Variants in CCNL2 observed in about 807,000 individuals in gnomAD.
The protein encoded by CCNL2 is cyclin-L2.
CCNL2 carries 28 observed loss-of-function variants against 59.1 expected under a neutral mutation model. The observed-to-expected ratio is 0.47, with a 90% CI of 0.35 to 0.65. The LOEUF is 0.65. Among genes scored for constraint, CCNL2 ranks in the 30% least tolerant of loss-of-function variants. CCNL2 has a pLI of 0.00. For missense variants in CCNL2, 714 were observed against 717.4 expected, an observed-to-expected ratio of 1.00 and a Z score of 0.05; for synonymous variants, 342 against 288.6, an observed-to-expected ratio of 1.19 and a Z score of -1.88.
Position 1,387,791 on chromosome 1 carries a change from C to T in CCNL2, c.1197G>A (p.Ala399=), listed in dbSNP as rs200056802. 127 of 1,612,402 alleles carry T rather than the reference C, an allele frequency of 7.9e-5. No individual in the cohort carries two copies. The East Asian group carries it at 1.4e-3, about 17-fold the overall frequency. Residue 399 remains alanine, a synonymous_variant, in exon 10 of 11, where the codon GCG becomes GCA. Transcript: ENST00000400809. ...GAGGCACACACCTCCTCTTAGGAGA[C>T]GCTGATCGGGATGGGGACCTCGAGT... ...QSYSRSPSRS[A]SPKRRKSDSG...
chr1:1,395,878 AATT>A (rs1024022109), intron 3 of CCNL2, among the ~76,000 whole-genome samples: 1 of 152,172 alleles, frequency 6.6e-6, no homozygotes, highest in African/African-American at 2.4e-5. Context: ...ATGAAAGCAC[AATT>A]ATTTAAATAC....
intron 8 of CCNL2, chr1:1,389,451 T>A (rs1236151991): frequency 6.6e-6 from 1 of 152,176 alleles, no homozygotes; most frequent in African/African-American, 2.4e-5. Flanking sequence ...CCCCACACTA[T>A]AACACCTTCA....
chr1:1,395,430 C>G lies in CCNL2; in HGVS notation c.558G>C (p.Glu186Asp). ...GCTTCACATGGACGCAGAAACCCAA[C>G]TCTTTGAGAACTCGTCTTTCCGCCT... ...IIKAERRVLK[E>D]LGFCVHVKHP... Residue 186 changes from glutamate to aspartate, a missense_variant, in exon 4 of 11, where the codon GAG (glutamate) becomes GAC (aspartate). Physicochemically the swap from Glu to Asp is conservative, Grantham distance 45. Transcript: ENST00000400809. 6.2e-7 allele frequency: 1 copy of G among 1,614,208 alleles called. No homozygotes were observed. The highest frequency in any genetic ancestry group is 8.5e-7 in the Non-Finnish European group (1 of 1,180,042).
intron 5 of CCNL2, chr1:1,392,738 T>C: frequency 6.2e-7 from 1 of 1,604,744 alleles, no homozygotes; most frequent in South Asian, 1.1e-5. Flanking sequence ...AAGATGCCGC[T>C]GTCCCTGCAC....
chr1:1,394,742 T>C (rs1474073078), intron 4 of CCNL2, among the ~76,000 whole-genome samples: 1 of 99,954 alleles, frequency 1.0e-5, no homozygotes. Context: ...AGAGTAAGAC[T>C]CCGTCTCAAG....
At chr1:1,398,186 A>T in intron 3 of CCNL2, 47 bp downstream of exon 3, 1 of 1,562,318 alleles carries the variant, frequency 6.4e-7, no homozygotes, top group Non-Finnish European at 8.8e-7. Flanking sequence ...ATCAGAAATA[A>T]AGAAAATAGG....
chr1:1,387,457 G>A lies in CCNL2; in HGVS notation c.1337C>T (p.Ser446Phe). The A allele has an allele frequency of 2.5e-6, 4 of 1,613,326 alleles. No individual in the cohort carries two copies. The highest frequency in any genetic ancestry group is 1.7e-5 in the Admixed American group (1 of 59,966). ...GTACTTGCAGTCCTTGGACTTCCGG[G>A]AGCCCCGAATCTCAGAGCCTTTGTA... ...APYKGSEIRG[S>F]RKSKDCKYPQ... The change falls in exon 11 of 11, where the codon TCC becomes TTC. Residue 446 changes from serine (S) to phenylalanine (F), a missense_variant. Around this residue, in one of 5 missense-constraint regions of CCNL2, gnomAD observed 403 missense variants for 377.7 expected, o/e 1.07. Coordinates refer to ENST00000400809, the MANE Select transcript of CCNL2 (RefSeq NM_030937.6).
At chr1:1,388,583 C>CTA (rs397978923) in intron 8 of CCNL2, 61 of 217,362 alleles carry the variant, frequency 2.8e-4, no homozygotes, top group African/African-American at 1.3e-3. Flanking sequence ...CTCTCTCTCT[C>CTA]TATATATATA....
At chr1:1,391,838 G>C in intron 5 of CCNL2, 1 of 295,034 alleles carries the variant, frequency 3.4e-6, no homozygotes, top group South Asian at 2.8e-5. Context: ...TGCAAAAACA[G>C]AAAGGGTGAT....
At position 1,387,038 on chromosome 1, in the gene CCNL2, C is replaced by T. The variant is rs984713071; in HGVS notation, c.*193G>A. The T allele has an allele frequency of 1.8e-6, 1 of 569,194 alleles. No homozygotes were observed. The highest frequency in any genetic ancestry group is 3.1e-6 in the Non-Finnish European group (1 of 323,290). The allele number at this position is 569,194 out of a possible 1,614,324, so 35.3% of individuals were successfully genotyped here. ...CCCCAGACCGGTCTGAAGCACGTGT[C>T]ACCGGTCCCTCAGTTCCATTTCCAA... On this transcript the variant is annotated 3_prime_UTR_variant, in exon 11 of 11. Transcript: ENST00000400809.
In CCNL2 at chr1:1,387,287, G is replaced by A. The variant is rs151330631; in HGVS notation, c.1507C>T (p.Arg503Cys). The change falls in exon 11 of 11, where the codon CGC becomes TGC. Residue 503 changes from arginine to cysteine, a missense_variant. Physicochemically the swap from Arg to Cys is radical, Grantham distance 180. Around this residue, in one of 5 missense-constraint regions of CCNL2, gnomAD observed 403 missense variants for 377.7 expected, o/e 1.07. Coordinates refer to ENST00000400809, the MANE Select transcript of CCNL2 (RefSeq NM_030937.6). ...QRRERSRSYERTGRRYERDHP... is the reference protein window; with the variant it reads ...QRRERSRSYECTGRRYERDHP... ...TCCCGCTCATAGCGACGGCCTGTGC[G>A]TTCATACGACCTCGAGCGCTCTCGT... 113 of 1,612,938 alleles carry A rather than the reference G, an allele frequency of 7.0e-5. 1 individual carries two copies. The African/African-American group carries it at 8.1e-4, about 12-fold the overall frequency.
intron 8 of CCNL2, chr1:1,389,476 A>T (rs1323055849): frequency 2.0e-5 from 3 of 152,304 alleles, no homozygotes; most frequent in Non-Finnish European, 1.5e-5. Flanking sequence ...ATGACAAGCT[A>T]CCTGGGCAGC....
chr1:1,393,385 G>A lies in CCNL2; in HGVS notation c.659+11C>T, dbSNP rs1319425115. ...CTTGCTGGTCTCATAAAACAAGGAA[G>A]CTCAACTCACCATGAGGTCTGGACC... On this transcript the variant is annotated intron_variant, in intron 5 of 10. Transcript: ENST00000400809. 2 of 1,612,490 alleles carry A rather than the reference G, an allele frequency of 1.2e-6. No individual in the cohort carries two copies. The highest frequency in any genetic ancestry group is 4.5e-5 in the East Asian group (2 of 44,866).
rs1645198757 is a variant in CCNL2, at chr1:1,398,779, C to T, written c.289-108G>A. On this transcript the variant is annotated intron_variant, in intron 1 of 10. Transcript: ENST00000400809. ...CCCCACGCAGAACCAAACACTGAAACGCTTCCCACGTCCACAAAGGCTCTT... is the reference window on the plus strand; with the variant it reads ...CCCCACGCAGAACCAAACACTGAAATGCTTCCCACGTCCACAAAGGCTCTT... 7 of 1,250,868 alleles carry T rather than the reference C, an allele frequency of 5.6e-6. No individual in the cohort carries two copies. The Admixed American group carries it at 1.4e-4, about 25-fold the overall frequency. 77.5% of individuals were successfully genotyped at this position (1,250,868 alleles called of 1,614,324 possible).
At chr1:1,397,685 G>A (rs918312555) in intron 3 of CCNL2, among the ~76,000 whole-genome samples, 1 of 152,112 alleles carries the variant, frequency 6.6e-6, no homozygotes, top group African/African-American at 2.4e-5. Context: ...AACACAGCAT[G>A]ACCCCATCTT....
At chr1:1,387,633 G>T in intron 10 of CCNL2, 51 bp from the exon 11 acceptor site, 2 of 1,428,512 alleles carry the variant, frequency 1.4e-6, no homozygotes, top group South Asian at 1.4e-5. Context: ...GCCCGGCCAG[G>T]CCCCACACAC....
intron 7 of CCNL2, 44 bp from the exon 8 acceptor site, chr1:1,390,415 G>C (rs1644701620): frequency 6.2e-7 from 1 of 1,610,886 alleles, no homozygotes; most frequent in African/African-American, 1.3e-5. Context: ...GGTGTTTCTG[G>C]CCAAACACAA....
At position 1,399,319 on chromosome 1, in the gene CCNL2, A is replaced by C. The variant is rs1217285312; in HGVS notation, c.-13T>G. The C allele has an allele frequency of 5.6e-6, 8 of 1,429,820 alleles. No homozygotes were observed. Among genetic ancestry groups the C allele is most frequent in the African/African-American group, 3.1e-5 (2 of 64,990 alleles). The allele number at this position is 1,429,820 out of a possible 1,614,324, so 88.6% of individuals were successfully genotyped here. A position where few individuals can be genotyped will look rare whatever the true frequency, so the allele number is the denominator to read the frequency against. Reference sequence around the variant, plus strand: ...CCGCCGCCGCCATTTTGTGCCGCCGACTCCCCTTCGGCTTCTTCCCTCAGG... The same window carrying C: ...CCGCCGCCGCCATTTTGTGCCGCCGCCTCCCCTTCGGCTTCTTCCCTCAGG... On this transcript the variant is annotated 5_prime_UTR_variant, in exon 1 of 11. Transcript: ENST00000400809.
At position 1,387,210 on chromosome 1, in the gene CCNL2, A is replaced by C. The variant is rs992014718; in HGVS notation, c.*21T>G. 2.7e-5 allele frequency: 43 copies of C among 1,583,124 alleles called. No homozygotes were observed. Among genetic ancestry groups the C allele is most frequent in the Non-Finnish European group, 3.3e-5 (38 of 1,166,096 alleles). On this transcript the variant is annotated 3_prime_UTR_variant, in exon 11 of 11. Coordinates refer to ENST00000400809, the MANE Select transcript of CCNL2 (RefSeq NM_030937.6). The stretch of plus-strand genomic sequence containing the variant: ...ACTCCCCAGGGAAGGGCTTGCGGCC[A>C]CCAGTCACTGCAACCCCGCCTCACC...
Sources: gnomAD v4.1 joint callset for allele counts (sites outside exome capture counted in the v4.1 genomes callset) on GRCh38, gnomAD v4.1.1 for gene constraint, gnomAD v4.1.1 regional missense constraint, MANE v1.5 for transcripts, NCBI Gene and HGNC (gene_info 2026-07-23, HGNC 2026-07-21) for gene names.